The following CPAP variants were observed in gnomAD, a reference collection of about 807,000 sequenced individuals.
CPAP encodes the protein centrosomal P4.1-associated protein.
At chr13:24,903,703 T>C in the CPAP span, among the ~76,000 whole-genome samples, 1 of 152,220 alleles carries the variant, frequency 6.6e-6, no homozygotes, top group Non-Finnish European at 1.5e-5. Context: ...TTTTCAAATT[T>C]TAATTTATGA....
the CPAP span, among the ~76,000 whole-genome samples, chr13:24,894,311 G>C: frequency 6.6e-6 from 1 of 152,228 alleles, no homozygotes; most frequent in Non-Finnish European, 1.5e-5. Flanking sequence ...TTAACCCAGA[G>C]GTGGCAACTG....
At chr13:24,889,403 A>G in the CPAP span, 2 of 1,583,852 alleles carry the variant, frequency 1.3e-6, no homozygotes, top group Non-Finnish European at 1.7e-6. Context: ...GATGTGTTCT[A>G]TAGTATAAGA....
At chr13:24,892,570 ACT>A in the CPAP span, 1 of 1,170,514 alleles carries the variant, frequency 8.5e-7, no homozygotes, top group Non-Finnish European at 1.3e-6. Flanking sequence ...CTACTTTCTG[ACT>A]CTATGAATTT....
At chr13:24,911,760 A>C in the CPAP span, among the ~76,000 whole-genome samples, 1 of 151,056 alleles carries the variant, frequency 6.6e-6, no homozygotes, top group Non-Finnish European at 1.5e-5. Context: ...GCATGCGCAC[A>C]CCAGAATGCG....
At chr13:24,883,935 T>C in the CPAP span, 4 of 1,613,880 alleles carry the variant, frequency 2.5e-6, no homozygotes, top group Non-Finnish European at 3.4e-6. Flanking sequence ...CACTGAGTGG[T>C]TTTTCTGTGA....
the CPAP span, among the ~76,000 whole-genome samples, chr13:24,891,846 C>T: frequency 0.24 from 36,109 of 152,108 alleles, 4,561 homozygotes; most frequent in Non-Finnish European, 0.29. Context: ...GCTGGCCCAC[C>T]GCTCCTCGCC....
chr13:24,918,009 T>C, the CPAP span, among the ~76,000 whole-genome samples: 1 of 152,208 alleles, frequency 6.6e-6, no homozygotes, highest in African/African-American at 2.4e-5. Flanking sequence ...CATTGGGAAT[T>C]AAGTTTCCAA....
chr13:24,912,163 C>A, the CPAP span: 5 of 1,238,976 alleles, frequency 4.0e-6, no homozygotes, highest in South Asian at 6.1e-5. Context: ...CTCCTCCTAT[C>A]TTTCCTGGTA....
the CPAP span, chr13:24,908,183 CA>C: frequency 2.5e-6 from 3 of 1,208,040 alleles, no homozygotes; most frequent in African/African-American, 1.5e-5. Flanking sequence ...TGTCTTAAAA[CA>C]TGAGAATTCT....
the CPAP span, among the ~76,000 whole-genome samples, chr13:24,897,535 G>T: frequency 1.6e-4 from 25 of 152,126 alleles, no homozygotes; most frequent in African/African-American, 6.0e-4. Flanking sequence ...GCCCTTCTTG[G>T]ATTCTTGTAA....
At chr13:24,930,061 C>T in the CPAP span, among the ~76,000 whole-genome samples, 6 of 151,810 alleles carry the variant, frequency 4.0e-5, no homozygotes, top group African/African-American at 1.5e-4. Flanking sequence ...CAGACATGCA[C>T]CACCATGCCC....
the CPAP span, chr13:24,909,674 A>G: frequency 2.1e-6 from 2 of 966,234 alleles, no homozygotes; most frequent in Non-Finnish European, 3.2e-6. Context: ...CCTGAGCAAC[A>G]CGGCAACACT....
the CPAP span, chr13:24,907,987 T>C: frequency 7.2e-7 from 1 of 1,382,448 alleles, no homozygotes; most frequent in South Asian, 1.2e-5. Flanking sequence ...TACTAAATAG[T>C]CACATTTCTC....
At chr13:24,915,251 T>C in the CPAP span, among the ~76,000 whole-genome samples, 1 of 152,138 alleles carries the variant, frequency 6.6e-6, no homozygotes, top group African/African-American at 2.4e-5. Context: ...AAGAACAGAT[T>C]TGCCATTCAC....
chr13:24,921,755 A>G, the CPAP span, among the ~76,000 whole-genome samples: 24 of 152,172 alleles, frequency 1.6e-4, no homozygotes, highest in African/African-American at 5.8e-4. Flanking sequence ...AAACTAGAAA[A>G]ATTCCCTACT....
chr13:24,898,066 T>C, the CPAP span, among the ~76,000 whole-genome samples: 2 of 152,194 alleles, frequency 1.3e-5, no homozygotes, highest in Non-Finnish European at 2.9e-5. Context: ...GCTAATTTTT[T>C]TGTATTTTTC....
the CPAP span, chr13:24,911,855 C>T: frequency 8.0e-6 from 12 of 1,501,218 alleles, no homozygotes; most frequent in African/African-American, 2.8e-5. Flanking sequence ...GAGTTCACAA[C>T]ACATGATACA....
the CPAP span, chr13:24,886,302 T>TACG: frequency 7.8e-7 from 1 of 1,289,068 alleles, no homozygotes; most frequent in African/African-American, 1.5e-5. Flanking sequence ...AGCTGGATGT[T>TACG]ACGGGAGAAT....
chr13:24,892,392 G>A, the CPAP span, among the ~76,000 whole-genome samples: 11 of 152,270 alleles, frequency 7.2e-5, 1 homozygote, highest in South Asian at 4.1e-4. Context: ...AAAATTCACC[G>A]TCTTCAGCAT....
Sources: gnomAD v4.1 joint callset for allele counts (sites outside exome capture counted in the v4.1 genomes callset) on GRCh38, gnomAD v4.1.1 for gene constraint, MANE v1.5 for transcripts, NCBI Gene and HGNC (gene_info 2026-07-23, HGNC 2026-07-21) for gene names.